ABCC4: variants seen among roughly 807,000 people sequenced by gnomAD.
The protein encoded by ABCC4 is ATP binding cassette subfamily C member 4 (PEL blood group), also known as ATP-binding cassette sub-family C member 4.
In ABCC4, 102 loss-of-function variants were observed where a neutral mutation model predicts 168.5. That is an observed-to-expected ratio of 0.61 (90% CI 0.52 to 0.71). The LOEUF (loss-of-function observed/expected upper bound fraction) is 0.71, where lower values mean the gene tolerates loss of function less well. Among genes scored for constraint, ABCC4 ranks in the 30% least tolerant of loss-of-function variants. The probability of loss-of-function intolerance (pLI) is 0.00; values close to 1 mark genes in which losing one functional copy is unlikely to be tolerated. For synonymous variants in ABCC4, 617 were observed against 590.7 expected (o/e 1.04, Z -0.65); for missense variants, 1,402 against 1,605.8 (o/e 0.87, Z 2.17).
chr13:95,280,416 CA>C (rs10708482), intron 1 of ABCC4, among the ~76,000 whole-genome samples: 54,920 of 90,314 alleles, frequency 0.61, 13,575 homozygotes, highest in Middle Eastern at 0.69. Context: ...GACTCCATCT[CA>C]AAAAAAAAAA....
intron 20 of ABCC4, among the ~76,000 whole-genome samples, chr13:95,099,897 A>C (rs955864268): frequency 1.3e-5 from 2 of 152,266 alleles, no homozygotes; most frequent in African/African-American, 4.8e-5. Context: ...CATCAGATGG[A>C]AGTGATACAT....
At chr13:95,063,619 GCTGCAAA>G (rs1181669430) in intron 25 of ABCC4, among the ~76,000 whole-genome samples, 7 of 152,194 alleles carry the variant, frequency 4.6e-5, no homozygotes, top group African/African-American at 1.7e-4. Context: ...CAAAAGGCAT[GCTGCAAA>G]CTAATTAATA....
At chr13:95,284,058 C>T (rs990833926) in intron 1 of ABCC4, among the ~76,000 whole-genome samples, 7 of 150,756 alleles carry the variant, frequency 4.6e-5, no homozygotes, top group African/African-American at 1.2e-4. Context: ...AAAAATTAGC[C>T]GAGCGTGGTG....
chr13:95,154,220 T>G (rs1290318795), intron 19 of ABCC4, among the ~76,000 whole-genome samples: 5 of 152,200 alleles, frequency 3.3e-5, no homozygotes, highest in Non-Finnish European at 5.9e-5. Context: ...AACAAAGCTT[T>G]TCTGGTGATG....
intron 1 of ABCC4, among the ~76,000 whole-genome samples, chr13:95,284,586 A>G (rs1440745064): frequency 1.3e-5 from 2 of 152,212 alleles, no homozygotes; most frequent in Non-Finnish European, 2.9e-5. Context: ...GCAGCTACAC[A>G]GATGACACGG....
At chr13:95,127,100 G>A (rs912167694) in intron 19 of ABCC4, among the ~76,000 whole-genome samples, 5 of 151,518 alleles carry the variant, frequency 3.3e-5, no homozygotes, top group African/African-American at 4.9e-5. Flanking sequence ...CTATCCAAAC[G>A]CCCCACAACC....
rs1447488048 is a variant in ABCC4 at position 95,177,642 on chromosome 13, T to C, written c.1727+65A>G. 7.8e-6 allele frequency: 11 copies of C among 1,410,306 alleles called. No individual in the cohort carries two copies. In the Admixed American group the frequency reaches 1.3e-4, roughly 17 times the overall value. The allele number at this position is 1,410,306 out of a possible 1,614,324, so 87.4% of individuals were successfully genotyped here. ...AGGATGAGCTGAAAGCCATAAAGGC[T>C]TTCCTGAGCCAACTCGAAATGGCTC... On this transcript the variant is annotated intron_variant, in intron 13 of 30. Coordinates refer to ENST00000645237, the MANE Select transcript of ABCC4 (RefSeq NM_005845.5).
In ABCC4 at chr13:95,247,063, T is replaced by C. The variant is rs556194310; in HGVS notation, c.218A>G (p.Asn73Ser). Residue 73 changes from asparagine (N) to serine (S), a missense_variant, in exon 3 of 31, where the codon AAT becomes AGT. Coordinates refer to ENST00000645237, the MANE Select transcript of ABCC4 (RefSeq NM_005845.5). Reference sequence around the variant, plus strand: ...TGTTAAAGAAGGCTTCTGTGCGTCATTCTCAGCTCTTAAAACTTCTTTATC... The same window carrying C: ...TGTTAAAGAAGGCTTCTGTGCGTCACTCTCAGCTCTTAAAACTTCTTTATC... Reference protein sequence around the residue: ...FWDKEVLRAENDAQKPSLTRA... With the variant: ...FWDKEVLRAESDAQKPSLTRA... 168 of 1,613,764 alleles carry C rather than the reference T, an allele frequency of 1.0e-4. 2 individuals carry two copies. In the South Asian group the frequency reaches 1.8e-3, roughly 18 times the overall value.
At chr13:95,131,319 C>T (rs993803721) in intron 19 of ABCC4, among the ~76,000 whole-genome samples, 16 of 152,064 alleles carry the variant, frequency 1.1e-4, no homozygotes, top group South Asian at 4.1e-4. Flanking sequence ...ATCACATGGG[C>T]GCCTTGTTTT....
intron 1 of ABCC4, among the ~76,000 whole-genome samples, chr13:95,299,072 A>G (rs2041608610): frequency 6.6e-6 from 1 of 151,900 alleles, no homozygotes; most frequent in Admixed American, 6.6e-5. Flanking sequence ...GAGCAACAAC[A>G]TAGAGAGCCC....
intron 4 of ABCC4, among the ~76,000 whole-genome samples, chr13:95,216,463 A>G (rs1245782667): frequency 6.6e-6 from 1 of 152,170 alleles, no homozygotes; most frequent in Non-Finnish European, 1.5e-5. Flanking sequence ...AAAGGCAACT[A>G]AAACAAACTG....
intron 20 of ABCC4, among the ~76,000 whole-genome samples, chr13:95,101,922 T>C (rs187986260): frequency 1.0e-3 from 158 of 152,354 alleles, no homozygotes; most frequent in Non-Finnish European, 1.7e-3. Context: ...ACCTTTTATT[T>C]AGTGAGCTTA....
chr13:95,233,716 T>A (rs1396341233), intron 4 of ABCC4, among the ~76,000 whole-genome samples: 1 of 151,988 alleles, frequency 6.6e-6, no homozygotes, highest in Non-Finnish European at 1.5e-5. Flanking sequence ...TGTGAATAAG[T>A]TATATACAAA....
At chr13:95,068,571 T>C (rs567347530) in intron 25 of ABCC4, among the ~76,000 whole-genome samples, 2 of 152,190 alleles carry the variant, frequency 1.3e-5, no homozygotes, top group African/African-American at 4.8e-5. Context: ...TGAGCCAAGA[T>C]TGCGCCACTG....
intron 20 of ABCC4, among the ~76,000 whole-genome samples, chr13:95,111,985 T>G (rs1445027448): frequency 1.3e-5 from 2 of 152,130 alleles, no homozygotes; most frequent in African/African-American, 4.8e-5. Context: ...AGTTCCAGAC[T>G]CCTACTTACA....
intron 1 of ABCC4, among the ~76,000 whole-genome samples, chr13:95,262,119 G>A (rs2040548379): frequency 6.6e-6 from 1 of 152,180 alleles, no homozygotes; most frequent in African/African-American, 2.4e-5. Context: ...GCAGCTCTCA[G>A]CAAGTTCACA....
intron 21 of ABCC4, among the ~76,000 whole-genome samples, chr13:95,078,595 A>G (rs2033988200): frequency 6.6e-6 from 1 of 152,192 alleles, no homozygotes; most frequent in Non-Finnish European, 1.5e-5. Context: ...TGTTCTGCAC[A>G]GGTCTTTTCT....
At chr13:95,245,912 G>A (rs1000093379) in intron 3 of ABCC4, among the ~76,000 whole-genome samples, 6 of 88,232 alleles carry the variant, frequency 6.8e-5, no homozygotes, top group South Asian at 3.6e-4. Flanking sequence ...AAAATGCACC[G>A]TGACAACTCC....
chr13:95,179,095 A>G (rs1334569107), intron 11 of ABCC4, among the ~76,000 whole-genome samples: 3 of 152,186 alleles, frequency 2.0e-5, no homozygotes, highest in South Asian at 2.1e-4. Flanking sequence ...TTGCGGCTGG[A>G]TAAGTGAGTC....
Sources: allele counts gnomAD v4.1 joint callset (sites outside exome capture counted in the v4.1 genomes callset), GRCh38; gene constraint gnomAD v4.1.1; transcripts MANE v1.5; gene names NCBI Gene and HGNC (gene_info 2026-07-23, HGNC 2026-07-21).